The following SUPT3H variants were observed in gnomAD, a reference collection of about 807,000 sequenced individuals.
SUPT3H encodes SPT3 homolog, SAGA and STAGA complex component.
In SUPT3H, 44 loss-of-function variants were observed where a neutral mutation model predicts 44.3. The ratio of observed to expected loss-of-function variants is 0.99; its 90% CI spans 0.78 to 1.28. The LOEUF is 1.28. Among genes scored for constraint, SUPT3H ranks in the 50% most tolerant of loss-of-function variants. The probability of loss-of-function intolerance (pLI) is 0.00; values close to 1 mark genes in which losing one functional copy is unlikely to be tolerated. For synonymous variants in SUPT3H, 124 were observed against 125.6 expected, an observed-to-expected ratio of 0.99 and a Z score of 0.09; for missense variants, 380 against 387.1, an observed-to-expected ratio of 0.98 and a Z score of 0.15.
chr6:44,993,103 C>CA (rs1780811039), intron 6 of SUPT3H, among the ~76,000 whole-genome samples: 1 of 152,088 alleles, frequency 6.6e-6, no homozygotes, highest in Non-Finnish European at 1.5e-5. Flanking sequence ...GTTGAGGCTG[C>CA]AGTGAGCTGT....
intron 2 of SUPT3H, among the ~76,000 whole-genome samples, chr6:45,114,103 A>G (rs1800490995): frequency 1.3e-5 from 2 of 152,104 alleles, no homozygotes; most frequent in South Asian, 4.1e-4. Context: ...ATACAAATAT[A>G]CTAATATACA....
chr6:45,266,776 G>T (rs1000237417), intron 2 of SUPT3H, among the ~76,000 whole-genome samples: 1 of 151,944 alleles, frequency 6.6e-6, no homozygotes, highest in African/African-American at 2.4e-5. Flanking sequence ...ATTTACAGAG[G>T]TAGCCATTAA....
At chr6:44,977,813 T>C (rs138016919) in intron 6 of SUPT3H, among the ~76,000 whole-genome samples, 1,718 of 152,332 alleles carry the variant, frequency 0.011, 15 homozygotes, top group Non-Finnish European at 0.019. Context: ...ACTTTAGAGA[T>C]GTATAAAATT....
intron 2 of SUPT3H, among the ~76,000 whole-genome samples, chr6:45,294,553 G>C (rs1363763923): frequency 1.3e-5 from 2 of 151,870 alleles, no homozygotes; most frequent in African/African-American, 4.8e-5. Flanking sequence ...GCTGTTTGCT[G>C]ATATGATTGT....
At chr6:45,162,094 G>A (rs941199571) in intron 2 of SUPT3H, among the ~76,000 whole-genome samples, 1 of 151,956 alleles carries the variant, frequency 6.6e-6, no homozygotes, top group Non-Finnish European at 1.5e-5. Flanking sequence ...TGCTTTCAAG[G>A]GTATGGATAT....
At chr6:45,019,596 T>G (rs1176238215) in intron 4 of SUPT3H, among the ~76,000 whole-genome samples, 1 of 152,044 alleles carries the variant, frequency 6.6e-6, no homozygotes, top group Non-Finnish European at 1.5e-5. Context: ...GACCTTCAGG[T>G]TCAAGATTTC....
chr6:44,814,983 T>G (rs1453786134), intron 11 of SUPT3H, among the ~76,000 whole-genome samples: 3 of 152,042 alleles, frequency 2.0e-5, no homozygotes. Flanking sequence ...GGCCTCAAAT[T>G]TTTTTCATAA....
intron 2 of SUPT3H, among the ~76,000 whole-genome samples, chr6:45,315,914 CAGAT>C (rs1312884725): frequency 1.5e-5 from 2 of 134,738 alleles, no homozygotes; most frequent in Non-Finnish European, 3.2e-5. Flanking sequence ...TAAAGAAGCT[CAGAT>C]AGACAGATAG....
In SUPT3H at chr6:45,301,424, T is replaced by G. The variant is rs113575598; in HGVS notation, c.101+63777A>C. Among the ~76,000 whole-genome samples the G allele has an allele frequency of 9.1e-3, 1,381 of 152,336 alleles. 14 individuals are homozygous for G. Among genetic ancestry groups the G allele is most frequent in the South Asian group, 0.028 (136 of 4,828 alleles). ...TTTCTATTCATTAGCCCTTTAAGTT[T>G]TTCCCCTTATTCTTTTTAGTTTAGG... is the stretch of plus-strand genomic sequence containing the variant. On this transcript the variant is annotated intron_variant, in intron 2 of 10. Coordinates refer to ENST00000371459, the MANE Select transcript of SUPT3H (RefSeq NM_003599.4).
intron 2 of SUPT3H, among the ~76,000 whole-genome samples, chr6:45,260,762 A>G (rs1774228754): frequency 6.6e-6 from 1 of 152,164 alleles, no homozygotes; most frequent in African/African-American, 2.4e-5. Context: ...TTGCCTATAT[A>G]AAAGATCATC....
At chr6:45,355,087 A>G (rs888767310) in intron 2 of SUPT3H, among the ~76,000 whole-genome samples, 1 of 149,056 alleles carries the variant, frequency 6.7e-6, no homozygotes, top group African/African-American at 2.5e-5. Context: ...CAATCCTTCC[A>G]CCTCAGCCTC....
intron 10 of SUPT3H, among the ~76,000 whole-genome samples, chr6:44,900,568 C>A (rs1172815255): frequency 6.6e-6 from 1 of 152,204 alleles, no homozygotes; most frequent in Admixed American, 6.5e-5. Context: ...AGGAGGCCTG[C>A]CTTACTGTGT....
At chr6:45,118,639 TGTTTC>T (rs1290551005) in intron 2 of SUPT3H, among the ~76,000 whole-genome samples, 1 of 152,140 alleles carries the variant, frequency 6.6e-6, no homozygotes, top group African/African-American at 2.4e-5. Context: ...AATAAGTCTT[TGTTTC>T]TTCTTCCATT....
chr6:45,028,908 AAAAAAAAAAAAAAG>A (rs1454115821), intron 3 of SUPT3H, among the ~76,000 whole-genome samples: 1 of 150,224 alleles, frequency 6.7e-6, no homozygotes, highest in Non-Finnish European at 1.5e-5. Context: ...AAAAAAAAAA[AAAAAAAAAAAAAAG>A]AAAGAAAGAT....
At chr6:45,366,088 C>T (rs1563033008) in intron 1 of SUPT3H, among the ~76,000 whole-genome samples, 1 of 152,202 alleles carries the variant, frequency 6.6e-6, no homozygotes, top group East Asian at 1.9e-4. Flanking sequence ...TCATCTATTA[C>T]ACTATTATAC....
chr6:44,883,962 C>T (rs911785025), intron 10 of SUPT3H, among the ~76,000 whole-genome samples: 4 of 152,144 alleles, frequency 2.6e-5, no homozygotes, highest in Non-Finnish European at 5.9e-5. Context: ...GCAAAGACTT[C>T]ATGACTAAAA....
At position 44,954,535 on chromosome 6, in the gene SUPT3H, A is replaced by G. The variant is rs768990825; in HGVS notation, c.653T>C (p.Met218Thr). ...SMEIKPNVVA[M>T]EILAYLAYET... is the part of the protein sequence containing the mutation. ...ATACGCTAAATATGCTAAGATTTCCATTGCGACAACATTGGGTTTTATCTC... is the reference window on the plus strand; with the variant it reads ...ATACGCTAAATATGCTAAGATTTCCGTTGCGACAACATTGGGTTTTATCTC... Residue 218 changes from methionine to threonine, a missense_variant, in exon 8 of 11, where the codon ATG becomes ACG. Coordinates refer to ENST00000371459, the MANE Select transcript of SUPT3H (RefSeq NM_003599.4). 2 of 1,614,144 alleles carry G rather than the reference A, an allele frequency of 1.2e-6. No homozygotes were observed.
chr6:45,309,766 C>T (rs1783665657), intron 2 of SUPT3H, among the ~76,000 whole-genome samples: 1 of 151,890 alleles, frequency 6.6e-6, no homozygotes, highest in Non-Finnish European at 1.5e-5. Flanking sequence ...AAAGAAATCA[C>T]ATATAACAGA....
At chr6:45,160,260 C>G (rs953739772) in intron 2 of SUPT3H, among the ~76,000 whole-genome samples, 1 of 152,070 alleles carries the variant, frequency 6.6e-6, no homozygotes, top group African/African-American at 2.4e-5. Flanking sequence ...GGTCTTCAAA[C>G]AAGGCAGTTA....
Sources: gnomAD v4.1 joint callset for allele counts (sites outside exome capture counted in the v4.1 genomes callset) on GRCh38, gnomAD v4.1.1 for gene constraint, MANE v1.5 for transcripts, NCBI Gene and HGNC (gene_info 2026-07-23, HGNC 2026-07-21) for gene names.